PTPRD: variants seen among roughly 807,000 people sequenced by gnomAD.
PTPRD encodes the protein receptor-type tyrosine-protein phosphatase delta.
In PTPRD, 34 loss-of-function variants were observed where a neutral mutation model predicts 214.5. The ratio of observed to expected loss-of-function variants is 0.16; its 90% confidence interval spans 0.12 to 0.21. PTPRD has a LOEUF of 0.21. PTPRD is among the 10% of genes least tolerant of loss of function. The probability of loss-of-function intolerance (pLI) is 1.00; values close to 1 mark genes in which losing one functional copy is unlikely to be tolerated. For synonymous variants in PTPRD, 1,128 were observed against 845.7 expected (o/e 1.33, Z -5.79); for missense variants, 2,545 against 2,398.7 (o/e 1.06, Z -1.27).
chr9:9,953,492 G>C (rs2093634053), intron 4 of PTPRD, among the ~76,000 whole-genome samples: 1 of 131,722 alleles, frequency 7.6e-6, no homozygotes, highest in African/African-American at 3.2e-5. Context: ...AGGGAATTGT[G>C]GACACACACA....
intron 3 of PTPRD, among the ~76,000 whole-genome samples, chr9:10,320,149 A>G (rs574854917): frequency 6.6e-6 from 1 of 152,072 alleles, no homozygotes; most frequent in Non-Finnish European, 1.5e-5. Context: ...CTATGCAACT[A>G]TTTAACAAGG....
intron 9 of PTPRD, among the ~76,000 whole-genome samples, chr9:9,269,431 G>A (rs1941817155): frequency 6.8e-6 from 1 of 146,752 alleles, no homozygotes; most frequent in African/African-American, 2.5e-5. Context: ...CAGCCACTAT[G>A]AAAACAATAT....
chr9:8,961,646 T>C (rs968939784), intron 11 of PTPRD, among the ~76,000 whole-genome samples: 2 of 152,132 alleles, frequency 1.3e-5, no homozygotes, highest in Non-Finnish European at 2.9e-5. Context: ...TTGTGCCCCA[T>C]AGCTGAACAG....
intron 7 of PTPRD, among the ~76,000 whole-genome samples, chr9:9,651,495 T>C (rs1261242556): frequency 1.3e-5 from 2 of 152,152 alleles, no homozygotes; most frequent in Admixed American, 6.6e-5. Flanking sequence ...ACATGTGGTA[T>C]TTGGTTTTCT....
rs148965035 is a variant in PTPRD, at chr9:8,399,790, C to T, written c.4210+4747G>A. Among the ~76,000 whole-genome samples, 425 of 152,232 alleles carry T rather than the reference C, an allele frequency of 2.8e-3. 5 individuals carry two copies. Among genetic ancestry groups the T allele is most frequent in the African/African-American group, 9.9e-3 (410 of 41,548 alleles). On this transcript the variant is annotated intron_variant, in intron 36 of 45. Transcript: ENST00000381196. ...GCAGGGCTATTATGATTTCAAAAGC[C>T]GCTCTGGGCCTGCGTAGACTAATGG...
intron 11 of PTPRD, among the ~76,000 whole-genome samples, chr9:8,777,621 TG>T (rs1316327028): frequency 6.6e-6 from 1 of 152,230 alleles, no homozygotes; most frequent in African/African-American, 2.4e-5. Flanking sequence ...CATTAATTTT[TG>T]TAAGTCAGTC....
intron 2 of PTPRD, among the ~76,000 whole-genome samples, chr9:10,468,205 T>G (rs1037273145): frequency 1.3e-5 from 2 of 152,174 alleles, no homozygotes; most frequent in African/African-American, 4.8e-5. Flanking sequence ...TGCACATATA[T>G]GTTTATTGCA....
At chr9:8,793,284 C>T (rs1479230979) in intron 11 of PTPRD, among the ~76,000 whole-genome samples, 1 of 151,136 alleles carries the variant, frequency 6.6e-6, no homozygotes, top group South Asian at 2.1e-4. Context: ...AAGCCAGCTA[C>T]CATGTGAGCA....
intron 3 of PTPRD, among the ~76,000 whole-genome samples, chr9:10,124,623 A>G (rs1275353618): frequency 6.6e-6 from 1 of 152,090 alleles, no homozygotes; most frequent in Non-Finnish European, 1.5e-5. Flanking sequence ...ATACATTGTA[A>G]TTTTTTGTTT....
chr9:9,846,564 T>C (rs930491087), intron 5 of PTPRD, among the ~76,000 whole-genome samples: 5 of 152,158 alleles, frequency 3.3e-5, no homozygotes, highest in Non-Finnish European at 7.4e-5. Flanking sequence ...ATCATGGGTA[T>C]CAAAACATGG....
chr9:10,331,391 G>C (rs912720988), intron 3 of PTPRD, among the ~76,000 whole-genome samples: 3 of 151,860 alleles, frequency 2.0e-5, no homozygotes, highest in Admixed American at 6.6e-5. Context: ...AGAGAAGCCA[G>C]CAATTAAGCC....
chr9:9,524,938 A>G (rs992619694), intron 8 of PTPRD, among the ~76,000 whole-genome samples: 1 of 152,142 alleles, frequency 6.6e-6, no homozygotes, highest in Non-Finnish European at 1.5e-5. Context: ...GCTCACTGCA[A>G]GCTCCGCCTT....
chr9:10,260,743 T>C (rs79974784), intron 3 of PTPRD, among the ~76,000 whole-genome samples: 6,040 of 152,132 alleles, frequency 0.04, 149 homozygotes, highest in Non-Finnish European at 0.061. Flanking sequence ...CCCATTAACA[T>C]AATTAACAAA....
chr9:10,606,306 T>C (rs1203606735), intron 2 of PTPRD, among the ~76,000 whole-genome samples: 1 of 151,860 alleles, frequency 6.6e-6, no homozygotes, highest in Non-Finnish European at 1.5e-5. Flanking sequence ...TAGCGTGAGA[T>C]TAATGAGTCA....
rs372474298 is a variant in PTPRD, at chr9:9,286,977, G to A, written c.-202-103614C>T. 1.3e-4 allele frequency among the ~76,000 whole-genome samples: 18 copies of A among 140,028 alleles called. No individual in the cohort carries two copies. The East Asian group carries it at 3.9e-3, about 30-fold the overall frequency. 91.9% of individuals were successfully genotyped at this position (140,028 alleles called of 152,430 possible). On this transcript the variant is annotated intron_variant, in intron 9 of 45. Transcript: ENST00000381196. ...ATAGTGGCTCATGTCTGTAATGCCAGCATTTGGAAGGCTGAGGCGGGCAGA... is the reference window on the plus strand; with the variant it reads ...ATAGTGGCTCATGTCTGTAATGCCAACATTTGGAAGGCTGAGGCGGGCAGA...
intron 9 of PTPRD, among the ~76,000 whole-genome samples, chr9:9,273,327 A>G (rs1158039837): frequency 6.6e-6 from 1 of 151,194 alleles, no homozygotes; most frequent in Non-Finnish European, 1.5e-5. Flanking sequence ...AGAATTTGAG[A>G]TCCTCTGCCA....
intron 43 of PTPRD, among the ~76,000 whole-genome samples, chr9:8,335,627 T>G (rs1210327815): frequency 1.3e-5 from 2 of 152,200 alleles, no homozygotes; most frequent in African/African-American, 4.8e-5. Context: ...AACACAGTAT[T>G]GGAAGTTCTG....
intron 14 of PTPRD, among the ~76,000 whole-genome samples, chr9:8,547,047 T>C (rs548977929): frequency 6.6e-6 from 1 of 152,322 alleles, no homozygotes; most frequent in Non-Finnish European, 1.5e-5. Context: ...TATCTTGCTA[T>C]GTGAAACATT....
intron 39 of PTPRD, among the ~76,000 whole-genome samples, chr9:8,366,821 T>C (rs1235395823): frequency 1.3e-5 from 2 of 152,062 alleles, no homozygotes; most frequent in Non-Finnish European, 2.9e-5. Context: ...GTGACTAATA[T>C]CATAGCACAA....
Sources: gnomAD v4.1 joint callset for allele counts (sites outside exome capture counted in the v4.1 genomes callset) on GRCh38, gnomAD v4.1.1 for gene constraint, MANE v1.5 for transcripts, NCBI Gene and HGNC (gene_info 2026-07-23, HGNC 2026-07-21) for gene names.